The following AACS variants were observed in gnomAD, a reference collection of about 807,000 sequenced individuals.
AACS encodes the protein acetoacetate-CoA ligase.
A neutral mutation model predicts 83.1 loss-of-function variants in AACS; 69 were observed. The ratio of observed to expected loss-of-function variants is 0.83; its 90% CI spans 0.68 to 1.01. The LOEUF (loss-of-function observed/expected upper bound fraction) is 1.01. AACS is among the 50% of genes least tolerant of loss of function. AACS has a pLI of 0.00. For synonymous variants in AACS, 333 were observed against 343.4 expected (o/e 0.97, Z 0.33); for missense variants, 866 against 882.2 (o/e 0.98, Z 0.23).
chr12:125,111,768 C>T (rs990894060), intron 8 of AACS, among the ~76,000 whole-genome samples: 3 of 152,274 alleles, frequency 2.0e-5, no homozygotes, highest in East Asian at 1.9e-4. Context: ...TACTCTCCTG[C>T]GCTGAGACCC....
At position 125,114,555 on chromosome 12, in the gene AACS, ACG is replaced by A. The variant is rs1407632911; in HGVS notation, c.995_996del (p.Thr332SerfsTer39). On this transcript the variant is annotated frameshift_variant and splice_region_variant, in exon 9 of 18. Coordinates refer to ENST00000316519, the MANE Select transcript of AACS (RefSeq NM_023928.5). LOFTEE classifies it high-confidence loss of function. ...CAGTGACATCCTCCTGTGCTACACC[ACG>A]GTAAGGGCTTCCCCAGGTGCTGGCC... The part of the protein sequence containing the change: ...TSSDILLCYT[T>X]VGWMMWNWMV... 1 of 1,612,746 alleles carries A rather than the reference ACG, an allele frequency of 6.2e-7. No individual in the cohort carries two copies. Among genetic ancestry groups the A allele is most frequent in the Non-Finnish European group, 8.5e-7 (1 of 1,179,510 alleles).
At chr12:125,125,197 C>T (rs1197181753) in intron 12 of AACS, among the ~76,000 whole-genome samples, 173 bp downstream of exon 12, 7 of 152,220 alleles carry the variant, frequency 4.6e-5, no homozygotes, top group South Asian at 2.1e-4. Context: ...ACTGTGAACA[C>T]GGAACCCATA....
In AACS at chr12:125,069,133, G is replaced by C. The variant is rs183495782; in HGVS notation, c.133+3416G>C. Reference sequence around the variant, plus strand: ...TGGGATTACAGGCGTGAGCCACCGCGCCCGGCTGTGAGCATTCTTATTGCT... The same window carrying C: ...TGGGATTACAGGCGTGAGCCACCGCCCCCGGCTGTGAGCATTCTTATTGCT... On this transcript the variant is annotated intron_variant, in intron 1 of 17. Transcript: ENST00000316519. Among the ~76,000 whole-genome samples the C allele has an allele frequency of 4.6e-5, 7 of 152,248 alleles. No homozygotes were observed. The East Asian group carries it at 1.4e-3, about 29-fold the overall frequency.
At chr12:125,095,191 G>A (rs138976307) in intron 5 of AACS, among the ~76,000 whole-genome samples, 24 of 152,242 alleles carry the variant, frequency 1.6e-4, no homozygotes, top group Admixed American at 1.3e-4. Flanking sequence ...AGCTGTCCTC[G>A]AGCAGCTCTC....
chr12:125,076,748 C>T (rs776412393), intron 3 of AACS, 137 bp downstream of exon 3: 186 of 1,386,054 alleles, frequency 1.3e-4, no homozygotes, highest in Middle Eastern at 1.0e-3. Context: ...AGATTTCTGT[C>T]GACTTTATTT....
rs1236730277 is a variant in AACS, at chr12:125,142,354, TGGG to T, written c.*127_*129del. ...GCTCGCACCAAGTGTTCTGTAGGCT[TGGG>T]GAGGGATCGTTTCTCTGTTTTGTTA... On this transcript the variant is annotated 3_prime_UTR_variant, in exon 18 of 18. Transcript: ENST00000316519. The T allele has an allele frequency of 3.0e-6, 4 of 1,339,426 alleles. No homozygotes were observed. In the East Asian group the frequency reaches 1.0e-4, roughly 33 times the overall value. 83.0% of individuals were successfully genotyped at this position (1,339,426 alleles called of 1,614,324 possible).
chr12:125,093,824 C>T (rs146891160), intron 5 of AACS, among the ~76,000 whole-genome samples: 5 of 152,322 alleles, frequency 3.3e-5, no homozygotes, highest in South Asian at 2.1e-4. Context: ...GTGTGTGTGA[C>T]GCACGTTACT....
chr12:125,118,879 T>C, intron 10 of AACS, 114 bp downstream of exon 10: 3 of 1,433,384 alleles, frequency 2.1e-6, no homozygotes, highest in Non-Finnish European at 1.8e-6. Context: ...GTCTCCAGCA[T>C]GCTCTGCCTT....
At chr12:125,123,503 G>A (rs1957191385) in intron 10 of AACS, 1 of 152,234 alleles carries the variant, frequency 6.6e-6, no homozygotes, top group African/African-American at 2.4e-5. Context: ...GTAAGAGAAC[G>A]AAGGTGTGGG....
intron 1 of AACS, among the ~76,000 whole-genome samples, chr12:125,069,401 C>T (rs1354860849): frequency 1.3e-5 from 2 of 152,224 alleles, no homozygotes; most frequent in Non-Finnish European, 2.9e-5. Context: ...GTTTCTATCC[C>T]TGCATTTTGG....
intron 13 of AACS, 53 bp downstream of exon 13, chr12:125,128,327 T>C (rs2136130844): frequency 4.6e-6 from 7 of 1,522,044 alleles, no homozygotes; most frequent in Non-Finnish European, 6.3e-6. Context: ...GTTGGGAGTG[T>C]GGGAGCGTTC....
At position 125,103,648 on chromosome 12, in the gene AACS, G is replaced by A. The variant is rs114663425; in HGVS notation, c.767+567G>A. Among the ~76,000 whole-genome samples, 366 of 152,306 alleles carry A rather than the reference G, an allele frequency of 2.4e-3. 6 individuals are homozygous for A. The highest frequency in any genetic ancestry group is 8.4e-3 in the African/African-American group (349 of 41,576). On this transcript the variant is annotated intron_variant, in intron 7 of 17. Transcript: ENST00000316519. ...ATCTTCCTTGGCTTTTCTGACATTT[G>A]TAGAAGAATAAGCCACATGTTTTGT... is the stretch of plus-strand genomic sequence containing the variant.
intron 9 of AACS, 82 bp downstream of exon 9, chr12:125,114,639 A>G (rs59190170): frequency 0.026 from 30,494 of 1,179,890 alleles, 1,704 homozygotes; most frequent in African/African-American, 0.18. Flanking sequence ...CATAGTAAGG[A>G]CTTCCCCAGG....
At chr12:125,122,517 C>T (rs1957169122) in intron 10 of AACS, 3 of 152,048 alleles carry the variant, frequency 2.0e-5, no homozygotes, top group Admixed American at 2.0e-4. Context: ...GTGGTGCAGG[C>T]CTGTAATCCC....
rs1592968783 is a variant in AACS, at chr12:125,097,761, C to T, written c.571-4918C>T. Among the ~76,000 whole-genome samples the T allele has an allele frequency of 6.6e-6, 1 of 152,168 alleles. No homozygotes were observed. The highest frequency in any genetic ancestry group is 2.4e-5 in the African/African-American group (1 of 41,442). On this transcript the variant is annotated intron_variant, in intron 5 of 17. Coordinates refer to ENST00000316519, the MANE Select transcript of AACS (RefSeq NM_023928.5). This position sits in a 1 kb window ranked among gnomAD's most constrained non-coding sequence, Gnocchi z 4.3. ...GTGAGCCCCAGAGGAGCTCACAAGT[C>T]CCCAGGGGGAGCCCCATCTCAGTAA...
intron 1 of AACS, among the ~76,000 whole-genome samples, chr12:125,070,491 C>G (rs1169643721): frequency 6.6e-6 from 1 of 152,132 alleles, no homozygotes; most frequent in Non-Finnish European, 1.5e-5. Flanking sequence ...AGAGTAAGAT[C>G]CTGTCTCTAA....
At chr12:125,116,001 C>T (rs1042415782) in intron 9 of AACS, among the ~76,000 whole-genome samples, 25 of 152,138 alleles carry the variant, frequency 1.6e-4, no homozygotes, top group African/African-American at 5.6e-4. Flanking sequence ...TCCCTGCTCT[C>T]TGTGACCAGC....
intron 1 of AACS, among the ~76,000 whole-genome samples, chr12:125,072,445 C>T (rs1955895337): frequency 6.6e-6 from 1 of 152,208 alleles, no homozygotes; most frequent in African/African-American, 2.4e-5. Context: ...TCACTGATGG[C>T]AGTGAGATAA....
chr12:125,065,970 C>G (rs762651364), intron 1 of AACS, among the ~76,000 whole-genome samples: 7 of 152,216 alleles, frequency 4.6e-5, no homozygotes, highest in Non-Finnish European at 8.8e-5. Flanking sequence ...AGTGTCACCC[C>G]TCGGGAGGGC....
Sources: allele counts gnomAD v4.1 joint callset (sites outside exome capture counted in the v4.1 genomes callset), GRCh38; gene constraint gnomAD v4.1.1; non-coding constraint Gnocchi (gnomAD v3.1); transcripts MANE v1.5; gene names NCBI Gene and HGNC (gene_info 2026-07-23, HGNC 2026-07-21).